Variants in DISC1 observed in about 807,000 individuals in gnomAD.
DISC1 encodes disrupted in schizophrenia 1 protein.
In DISC1, 57 loss-of-function variants were observed where a neutral mutation model predicts 84.5. The ratio of observed to expected loss-of-function variants is 0.67; its 90% confidence interval spans 0.55 to 0.84. DISC1 has a LOEUF of 0.84. Among genes scored for constraint, DISC1 ranks in the 40% least tolerant of loss-of-function variants. The pLI, the probability that DISC1 is intolerant of heterozygous loss-of-function variation, is 0.00. For missense variants in DISC1, 1,000 were observed against 1,057.8 expected (o/e 0.95, Z 0.76); for synonymous variants, 411 against 415.2 (o/e 0.99, Z 0.12).
chr1:231,879,198 C>T (rs1222996347), intron 9 of DISC1, among the ~76,000 whole-genome samples: 2 of 151,624 alleles, frequency 1.3e-5, no homozygotes, highest in African/African-American at 2.4e-5. Flanking sequence ...TTCCTTTGAG[C>T]GTCATGTCAG....
At chr1:231,643,997 T>G (rs529387426) in intron 1 of DISC1, among the ~76,000 whole-genome samples, 2 of 152,338 alleles carry the variant, frequency 1.3e-5, no homozygotes, top group East Asian at 1.9e-4. Context: ...TTTAAAAATT[T>G]GCACAATGGT....
At chr1:231,672,504 T>C (rs1471764836) in intron 1 of DISC1, among the ~76,000 whole-genome samples, 2 of 152,226 alleles carry the variant, frequency 1.3e-5, no homozygotes, top group Non-Finnish European at 2.9e-5. Context: ...ACTGGGCACT[T>C]CCCTGCCTGG....
chr1:231,725,188 G>A (rs566582839), intron 3 of DISC1, among the ~76,000 whole-genome samples: 2 of 152,276 alleles, frequency 1.3e-5, no homozygotes, highest in South Asian at 4.1e-4. Flanking sequence ...CCCTCTTGAT[G>A]ATCAGCTCTA....
chr1:231,917,728 C>G (rs558234910), intron 9 of DISC1, among the ~76,000 whole-genome samples: 136 of 152,296 alleles, frequency 8.9e-4, no homozygotes, highest in Admixed American at 8.3e-3. Context: ...AGAGAGCCTG[C>G]CCCTCACTGT....
At chr1:231,879,547 A>G (rs2086142451) in intron 9 of DISC1, among the ~76,000 whole-genome samples, 1 of 151,632 alleles carries the variant, frequency 6.6e-6, no homozygotes, top group Non-Finnish European at 1.5e-5. Flanking sequence ...GCCTGGAAGG[A>G]CCTGTGGGGG....
At chr1:231,862,750 G>A (rs1211943897) in intron 9 of DISC1, among the ~76,000 whole-genome samples, 1 of 152,198 alleles carries the variant, frequency 6.6e-6, no homozygotes, top group Non-Finnish European at 1.5e-5. Flanking sequence ...CATTTAGTTT[G>A]GTAATATTTT....
At chr1:231,952,805 G>T (rs1236238325) in intron 9 of DISC1, among the ~76,000 whole-genome samples, 1 of 151,504 alleles carries the variant, frequency 6.6e-6, no homozygotes, top group African/African-American at 2.4e-5. Flanking sequence ...TACAAACAAT[G>T]AGATTTTCAT....
chr1:232,011,125 C>G (rs932953432), intron 11 of DISC1, among the ~76,000 whole-genome samples: 17 of 152,196 alleles, frequency 1.1e-4, no homozygotes, highest in African/African-American at 4.1e-4. Flanking sequence ...TCTCTGGGGA[C>G]AGACTTTCCC....
chr1:231,986,324 G>A (rs913128105), intron 10 of DISC1, among the ~76,000 whole-genome samples: 13 of 152,152 alleles, frequency 8.5e-5, no homozygotes, highest in African/African-American at 1.2e-4. Context: ...GAATTCAATG[G>A]ATGCATAAGG....
intron 3 of DISC1, among the ~76,000 whole-genome samples, chr1:231,749,446 A>C (rs891276739): frequency 2.0e-5 from 3 of 152,228 alleles, no homozygotes; most frequent in African/African-American, 7.2e-5. Flanking sequence ...CATCTATAGC[A>C]TGGTAGAATT....
rs74146704 is a variant in DISC1, at chr1:231,675,242, C to T, written c.68-18584C>T. Among the ~76,000 whole-genome samples the T allele has an allele frequency of 1.5e-3, 233 of 152,084 alleles. No homozygotes were observed. Among genetic ancestry groups the T allele is most frequent in the African/African-American group, 5.0e-3 (207 of 41,478 alleles). On this transcript the variant is annotated intron_variant, in intron 1 of 12. Coordinates refer to ENST00000439617, the MANE Select transcript of DISC1 (RefSeq NM_018662.3). This position sits in a 1 kb window ranked among gnomAD's most constrained non-coding sequence, Gnocchi z 4.1. ...GGCTACTCCCGCCCGCAAAGTGTAG[C>T]GCTGTCTTGGTGGATCCTGCCGGAA...
intron 3 of DISC1, among the ~76,000 whole-genome samples, chr1:231,734,453 A>T (rs555807756): frequency 6.6e-6 from 1 of 151,726 alleles, no homozygotes; most frequent in African/African-American, 2.4e-5. Flanking sequence ...CAACTTAAGG[A>T]TGTTTGCAAG....
intron 9 of DISC1, among the ~76,000 whole-genome samples, chr1:231,912,500 T>C (rs1056120042): frequency 3.9e-5 from 6 of 152,116 alleles, no homozygotes; most frequent in Non-Finnish European, 8.8e-5. Context: ...ACAGCAAATA[T>C]TGCAGAACAG....
chr1:231,636,475 A>C (rs1196812275), intron 1 of DISC1, among the ~76,000 whole-genome samples: 1 of 152,136 alleles, frequency 6.6e-6, no homozygotes, highest in Non-Finnish European at 1.5e-5. Context: ...GTCTTTCTTT[A>C]CTTGACTTAA....
chr1:231,916,417 G>A (rs2089623492), intron 9 of DISC1, among the ~76,000 whole-genome samples: 1 of 151,986 alleles, frequency 6.6e-6, no homozygotes, highest in Non-Finnish European at 1.5e-5. Flanking sequence ...CACTTTGGGA[G>A]GCCGAGGCGG....
chr1:231,931,338 G>A (rs903948746), intron 9 of DISC1, among the ~76,000 whole-genome samples: 2 of 152,230 alleles, frequency 1.3e-5, no homozygotes, highest in East Asian at 3.8e-4. Flanking sequence ...ATGTATGGGT[G>A]AGTCTGCACA....
At chr1:231,924,901 C>G (rs2090258067) in intron 9 of DISC1, among the ~76,000 whole-genome samples, 1 of 151,844 alleles carries the variant, frequency 6.6e-6, no homozygotes, top group African/African-American at 2.4e-5. Context: ...CGTGATCTGC[C>G]TGCCTTGGCC....
At chr1:231,979,113 C>T (rs1418647136) in intron 10 of DISC1, among the ~76,000 whole-genome samples, 3 of 152,004 alleles carry the variant, frequency 2.0e-5, no homozygotes, top group Non-Finnish European at 1.5e-5. Flanking sequence ...AGGTTGTTTG[C>T]TCCTTATGAG....
intron 9 of DISC1, among the ~76,000 whole-genome samples, chr1:231,852,908 TC>T (rs2084002239): frequency 6.6e-6 from 1 of 152,258 alleles, no homozygotes; most frequent in Admixed American, 6.5e-5. Context: ...TACTGTTTCA[TC>T]TTGTTTCTTT....
Sources: gnomAD v4.1 joint callset for allele counts (sites outside exome capture counted in the v4.1 genomes callset) on GRCh38, gnomAD v4.1.1 for gene constraint, Gnocchi (gnomAD v3.1) non-coding constraint, MANE v1.5 for transcripts, NCBI Gene and HGNC (gene_info 2026-07-23, HGNC 2026-07-21) for gene names.